The following TCIRG1 variants were observed in gnomAD, a reference collection of about 807,000 sequenced individuals.
The protein encoded by TCIRG1 is V-type proton ATPase 116 kDa subunit a 3.
In TCIRG1, 86 loss-of-function variants were observed where a neutral mutation model predicts 95.5. The observed-to-expected ratio is 0.90, with a 90% confidence interval of 0.76 to 1.08. TCIRG1 has a LOEUF of 1.08. Among genes scored for constraint, TCIRG1 ranks in the 50% least tolerant of loss-of-function variants. The probability of loss-of-function intolerance (pLI) is 0.00; values close to 1 mark genes in which losing one functional copy is unlikely to be tolerated. For missense variants in TCIRG1, 1,069 were observed against 1,140.2 expected (o/e 0.94, Z 0.90); for synonymous variants, 499 against 501.3 (o/e 1.00, Z 0.06).
At chr11:68,046,103 G>C (rs1225899567) in intron 10 of TCIRG1, among the ~76,000 whole-genome samples, 1 of 152,226 alleles carries the variant, frequency 6.6e-6, no homozygotes, top group Non-Finnish European at 1.5e-5. Context: ...CAAAGCACCA[G>C]CCGTCGGGGC....
At chr11:68,052,408 G>A (rs1006672119), downstream of TCIRG1, 3 of 152,324 alleles carry the variant, frequency 2.0e-5, no homozygotes, top group African/African-American at 7.2e-5. Flanking sequence ...CGAGGGCTGA[G>A]TGAGGCCAGC....
intron 5 of TCIRG1, 68 bp from the exon 6 acceptor site, chr11:68,043,303 C>T (rs1423615372): frequency 6.6e-7 from 1 of 1,521,638 alleles, no homozygotes; most frequent in Non-Finnish European, 8.8e-7. Flanking sequence ...AGGGTCCTGC[C>T]CGGGGGGCCT....
In TCIRG1 at chr11:68,047,516, G is replaced by T; in HGVS notation, c.1249G>T (p.Ala417Ser). The stretch of plus-strand genomic sequence containing the variant: ...CCACGGGCTGCTCATGTTCCTGTTC[G>T]CCCTGGCCATGGTCCTTGCGGAGAA... ...VGHGLLMFLFALAMVLAENRP... is the reference protein window; with the variant it reads ...VGHGLLMFLFSLAMVLAENRP... Residue 417 changes from alanine (A) to serine (S), a missense_variant, in exon 11 of 20, where the codon GCC becomes TCC. Coordinates refer to ENST00000265686, the MANE Select transcript of TCIRG1 (RefSeq NM_006019.4). 1 of 1,613,942 alleles carries T rather than the reference G, an allele frequency of 6.2e-7. No homozygotes were observed. The highest frequency in any genetic ancestry group is 8.5e-7 in the Non-Finnish European group (1 of 1,179,990).
rs372701023 is a variant in TCIRG1 at position 68,045,003 on chromosome 11, G to A, written c.1066G>A (p.Asp356Asn). ...SAVAHRIPCR[D>N]MPPTLIRTNR... ...CGTGGCTCACCGCATCCCCTGCCGGGACATGCCCCCCACACTCATCCGCAC... is the reference window on the plus strand; with the variant it reads ...CGTGGCTCACCGCATCCCCTGCCGGAACATGCCCCCCACACTCATCCGCAC... The change falls in exon 10 of 20, where the codon GAC becomes AAC. Residue 356 changes from aspartate to asparagine, a missense_variant. Coordinates refer to ENST00000265686, the MANE Select transcript of TCIRG1 (RefSeq NM_006019.4). 6.6e-5 allele frequency: 106 copies of A among 1,608,754 alleles called. No individual in the cohort carries two copies. Among genetic ancestry groups the A allele is most frequent in the Non-Finnish European group, 8.4e-5 (99 of 1,180,000 alleles).
Position 68,049,739 on chromosome 11 carries a change from T to G in TCIRG1, c.1964T>G (p.Leu655Arg), listed in dbSNP as rs779659562. ...CTGCTGCTTGGCACACCCCTGCACC[T>G]GCTGCACCGCCACCGCCGCCGCCTG... is the stretch of plus-strand genomic sequence containing the variant. ...PILLLGTPLH[L>R]LHRHRRRLRR... The change falls in exon 16 of 20, where the codon CTG (leucine) becomes CGG (arginine). Residue 655 changes from leucine (L) to arginine (R), a missense_variant. Leu to Arg is a moderately radical substitution (Grantham distance 102). Coordinates refer to ENST00000265686, the MANE Select transcript of TCIRG1 (RefSeq NM_006019.4). The G allele has an allele frequency of 2.5e-6, 4 of 1,583,704 alleles. No homozygotes were observed. In the South Asian group the frequency reaches 3.4e-5, roughly 13 times the overall value.
intron 7 of TCIRG1, 75 bp downstream of exon 7, chr11:68,043,728 G>A (rs1036978458): frequency 1.5e-5 from 23 of 1,539,594 alleles, no homozygotes; most frequent in African/African-American, 5.5e-5. Flanking sequence ...CCGCCCTATC[G>A]TGACTCCTCC....
chr11:68,044,967 G>T lies in TCIRG1; in HGVS notation c.1030G>T (p.Gly344Ter). The T allele has an allele frequency of 6.2e-7, 1 of 1,608,020 alleles. No homozygotes were observed. The change falls in exon 10 of 20, where the codon GGA becomes TGA. Residue 344 changes from glycine (G) to a stop codon, truncating the protein, a stop_gained. Coordinates refer to ENST00000265686, the MANE Select transcript of TCIRG1 (RefSeq NM_006019.4). LOFTEE classifies it high-confidence loss of function. ...CTGCCCTGGCACCCAGATGGAGGAG[G>T]GAGTGAGTGCCGTGGCTCACCGCAT... ...EALRDSSMEE[G>*]VSAVAHRIPC...
intron 5 of TCIRG1, 48 bp downstream of exon 5, chr11:68,043,079 T>C: frequency 2.6e-6 from 4 of 1,548,736 alleles, no homozygotes; most frequent in Non-Finnish European, 3.5e-6. Context: ...CCAGAACCCC[T>C]GGCCAGTCGC....
In TCIRG1 at chr11:68,050,275, C is replaced by T. The variant is rs199653577; in HGVS notation, c.2236+21C>T. 785 of 1,607,054 alleles carry T rather than the reference C, an allele frequency of 4.9e-4. 8 individuals are homozygous for T. The East Asian group carries it at 0.016, about 33-fold the overall frequency. On this transcript the variant is annotated intron_variant, in intron 18 of 19. Transcript: ENST00000265686. ...CGCCCGTGAGTGACCTGGCCACCGA[C>T]GGCTGGCCCCAGCTCCTGGCTTCTC...
chr11:68,049,527 T>TG (rs540921006), intron 15 of TCIRG1, 136 bp from the exon 16 acceptor site: 208 of 1,264,214 alleles, frequency 1.6e-4, no homozygotes, highest in African/African-American at 1.1e-3. Context: ...CCTCACCCAG[T>TG]GAGGGCACGG....
chr11:68,050,335 C>G, intron 18 of TCIRG1, 81 bp downstream of exon 18: 1 of 1,598,666 alleles, frequency 6.3e-7, no homozygotes, highest in Admixed American at 1.7e-5. Flanking sequence ...TTGCTTCTCT[C>G]TGGGCCTCAG....
At chr11:68,046,720 G>C (rs1172967001) in intron 10 of TCIRG1, among the ~76,000 whole-genome samples, 2 of 152,176 alleles carry the variant, frequency 1.3e-5, no homozygotes, top group Admixed American at 1.3e-4. Context: ...TTACTGATGG[G>C]AAGTCGAGAC....
rs781421791 is a variant in TCIRG1, at chr11:68,050,217, C to G, written c.2199C>G (p.Ser733=). The G allele has an allele frequency of 1.2e-6, 2 of 1,613,442 alleles. No individual in the cohort carries two copies. The highest frequency in any genetic ancestry group is 1.7e-6 in the Non-Finnish European group (2 of 1,179,926). The change falls in exon 18 of 20, where the codon TCC becomes TCG. Residue 733 remains serine, a synonymous_variant. Transcript: ENST00000265686. ...FCLGCVSNTA[S]YLRLWALSLA... is the part of the protein sequence containing the mutation. The stretch of plus-strand genomic sequence containing the variant: ...TGGGCTGCGTCTCCAACACCGCCTC[C>G]TACCTGCGCCTGTGGGCCCTGAGCC...
At position 68,050,719 on chromosome 11, in the gene TCIRG1, C is replaced by T. The variant is rs200094047; in HGVS notation, c.2415-22C>T. 46 of 1,613,870 alleles carry T rather than the reference C, an allele frequency of 2.9e-5. No homozygotes were observed. The African/African-American group carries it at 5.2e-4, about 18-fold the overall frequency. ...TCAAGGCGTGAGTTCCCCTCACCAACCCCTCTGCTTCTCACCCCCAGGGTG... is the reference window on the plus strand; with the variant it reads ...TCAAGGCGTGAGTTCCCCTCACCAATCCCTCTGCTTCTCACCCCCAGGGTG... On this transcript the variant is annotated intron_variant, in intron 19 of 19. Transcript: ENST00000265686.
intron 3 of TCIRG1, among the ~76,000 whole-genome samples, chr11:68,042,189 G>C (rs1855200805): frequency 6.6e-6 from 1 of 152,202 alleles, no homozygotes; most frequent in South Asian, 2.1e-4. Flanking sequence ...GTGGGGCCCA[G>C]GATCTAGGGT....
Position 68,041,316 on chromosome 11 carries a change from C to G in TCIRG1, c.45C>G (p.Leu15=). The G allele has an allele frequency of 6.2e-7, 1 of 1,613,288 alleles. No homozygotes were observed. The highest frequency in any genetic ancestry group is 2.2e-5 in the East Asian group (1 of 44,886). ...FRSEEVALVQ[L]FLPTAAAYTC... ...GCGAGGAGGTGGCCCTGGTCCAGCT[C>G]TTTCTGCCCACAGCGGCTGCCTACA... Residue 15 remains leucine (L), a synonymous_variant, in exon 2 of 20, where the codon CTC becomes CTG. Transcript: ENST00000265686.
In TCIRG1 at chr11:68,044,127, C is replaced by T. The variant is rs1374516851; in HGVS notation, c.808-5C>T. 7 of 1,547,172 alleles carry T rather than the reference C, an allele frequency of 4.5e-6. No homozygotes were observed. The highest frequency in any genetic ancestry group is 2.4e-5 in the East Asian group (1 of 40,986). On this transcript the variant is annotated splice_polypyrimidine_tract_variant and splice_region_variant and intron_variant, in intron 8 of 19. Transcript: ENST00000265686. ...AGCCCCCGCTGACTGCCCACTCTGG[C>T]GCAGGTCCTCGGGGAGACAGAGCGG... is the stretch of plus-strand genomic sequence containing the variant.
At chr11:68,050,689 G>A in intron 19 of TCIRG1, 25 bp downstream of exon 19, 6 of 1,613,658 alleles carry the variant, frequency 3.7e-6, no homozygotes, top group Non-Finnish European at 5.1e-6. Context: ...ACTGGCCTGG[G>A]CTGCTCAAGG....
At position 68,050,216 on chromosome 11, in the gene TCIRG1, C is replaced by T. The variant is rs1248534307; in HGVS notation, c.2198C>T (p.Ser733Phe). ...CTGGGCTGCGTCTCCAACACCGCCT[C>T]CTACCTGCGCCTGTGGGCCCTGAGC... ...FCLGCVSNTA[S>F]YLRLWALSLA... Residue 733 changes from serine to phenylalanine, a missense_variant, in exon 18 of 20, where the codon TCC (serine) becomes TTC (phenylalanine). Transcript: ENST00000265686. 2 of 1,613,580 alleles carry T rather than the reference C, an allele frequency of 1.2e-6. No individual in the cohort carries two copies. The highest frequency in any genetic ancestry group is 8.5e-7 in the Non-Finnish European group (1 of 1,179,916).
Sources: gnomAD v4.1 joint callset for allele counts (sites outside exome capture counted in the v4.1 genomes callset) on GRCh38, gnomAD v4.1.1 for gene constraint, MANE v1.5 for transcripts, NCBI Gene and HGNC (gene_info 2026-07-23, HGNC 2026-07-21) for gene names.